Variants in FAM3C observed in about 807,000 individuals in gnomAD.
FAM3C encodes the protein FAM3 metabolism regulating signaling molecule C.
A neutral mutation model predicts 32.5 loss-of-function variants in FAM3C; 15 were observed. The ratio of observed to expected loss-of-function variants is 0.46; its 90% CI spans 0.31 to 0.71. The LOEUF is 0.71. FAM3C is among the 30% of genes least tolerant of loss of function. FAM3C has a pLI of 0.05. For synonymous variants in FAM3C, 75 were observed against 86.1 expected (o/e 0.87, Z 0.72); for missense variants, 175 against 274.4 (o/e 0.64, Z 2.56).
chr7:121,369,676 G>A (rs1361236506), intron 5 of FAM3C, among the ~76,000 whole-genome samples: 1 of 152,156 alleles, frequency 6.6e-6, no homozygotes, highest in African/African-American at 2.4e-5. Context: ...TAGATCTTTA[G>A]CTGTTCAACA....
chr7:121,376,461 C>T (rs1196894784), intron 3 of FAM3C, among the ~76,000 whole-genome samples: 1 of 152,126 alleles, frequency 6.6e-6, no homozygotes, highest in Non-Finnish European at 1.5e-5. Flanking sequence ...CAGTGCAGTA[C>T]AGGTTTAAGT....
At chr7:121,366,760 T>G (rs962674177) in intron 5 of FAM3C, among the ~76,000 whole-genome samples, 2 of 152,088 alleles carry the variant, frequency 1.3e-5, no homozygotes, top group Non-Finnish European at 2.9e-5. Flanking sequence ...ATTTAAAAGG[T>G]TCTATGCTTT....
At chr7:121,383,934 T>A (rs1794412673) in intron 1 of FAM3C, among the ~76,000 whole-genome samples, 1 of 152,184 alleles carries the variant, frequency 6.6e-6, no homozygotes, top group Non-Finnish European at 1.5e-5. Flanking sequence ...TTAGATTGTA[T>A]TTTGATATTT....
intron 3 of FAM3C, among the ~76,000 whole-genome samples, chr7:121,372,745 G>C (rs928913800): frequency 2.0e-5 from 3 of 152,148 alleles, no homozygotes; most frequent in African/African-American, 7.2e-5. Flanking sequence ...ACTAACATCT[G>C]ATCCCAGCCC....
At chr7:121,351,372 T>C in intron 8 of FAM3C, 103 bp from the exon 9 acceptor site, 1 of 1,054,510 alleles carries the variant, frequency 9.5e-7, no homozygotes, top group Admixed American at 3.1e-5. Context: ...AATGAGACTT[T>C]AAATAACAGA....
At chr7:121,388,942 T>C (rs1794521961) in intron 1 of FAM3C, among the ~76,000 whole-genome samples, 1 of 152,192 alleles carries the variant, frequency 6.6e-6, no homozygotes, top group Admixed American at 6.5e-5. Flanking sequence ...TGTTTTTCAT[T>C]TGGCGCTCCT....
intron 2 of FAM3C, among the ~76,000 whole-genome samples, chr7:121,380,588 C>T (rs530071489): frequency 7.9e-5 from 12 of 151,972 alleles, no homozygotes; most frequent in Admixed American, 2.6e-4. Flanking sequence ...CAAAAAACTA[C>T]CTATCAGGTA....
At chr7:121,394,280 C>T (rs1794640505) in intron 1 of FAM3C, among the ~76,000 whole-genome samples, 1 of 152,198 alleles carries the variant, frequency 6.6e-6, no homozygotes, top group Non-Finnish European at 1.5e-5. Flanking sequence ...ATTCCATAGC[C>T]TCTTAGCCTT....
intron 1 of FAM3C, among the ~76,000 whole-genome samples, chr7:121,385,761 A>G (rs1794452613): frequency 6.6e-6 from 1 of 152,186 alleles, no homozygotes. Flanking sequence ...TGTCATAAAA[A>G]ATTATTTACC....
At chr7:121,364,276 A>C in intron 5 of FAM3C, 88 bp from the exon 6 acceptor site, 5 of 828,126 alleles carry the variant, frequency 6.0e-6, no homozygotes, top group Non-Finnish European at 8.0e-6. Flanking sequence ...AAAAGTTAGG[A>C]ATATTATACA....
intron 8 of FAM3C, among the ~76,000 whole-genome samples, chr7:121,353,448 C>T (rs1185704000): frequency 6.6e-6 from 1 of 152,200 alleles, no homozygotes; most frequent in Non-Finnish European, 1.5e-5. Context: ...AGATCCTGTG[C>T]AGATATGCAT....
At chr7:121,364,905 T>C (rs1334055825) in intron 5 of FAM3C, among the ~76,000 whole-genome samples, 2 of 152,146 alleles carry the variant, frequency 1.3e-5, no homozygotes, top group African/African-American at 4.8e-5. Flanking sequence ...TAAACTAAAA[T>C]TGTGAGTTCT....
intron 2 of FAM3C, among the ~76,000 whole-genome samples, chr7:121,380,733 T>TTTTATATATATATATATATA (rs1554375242): frequency 1.0e-4 from 14 of 133,982 alleles, no homozygotes; most frequent in Non-Finnish European, 1.8e-4. Flanking sequence ...TACAAACATT[T>TTTTATATATATATATATATA]TATATATATA....
chr7:121,353,603 C>T (rs1793751155), intron 8 of FAM3C, among the ~76,000 whole-genome samples: 1 of 152,142 alleles, frequency 6.6e-6, no homozygotes, highest in Non-Finnish European at 1.5e-5. Context: ...AAAAACAATG[C>T]AATTTATGCT....
chr7:121,360,585 C>A (rs2908003), intron 7 of FAM3C, among the ~76,000 whole-genome samples: 10,167 of 152,178 alleles, frequency 0.067, 1,140 homozygotes, highest in African/African-American at 0.23. Context: ...GTAATCCCAG[C>A]ACCTTGGGAG....
chr7:121,380,733 T>TTATATATATATATATATATATATATATA lies in FAM3C; in HGVS notation c.14-1720_14-1719insTATATATATATATATATATATATATATA, dbSNP rs66579763. Reference sequence around the variant, plus strand: ...TTTAAAAAAGCTATATACAAACATTTTATATATATATATATATATATATGA... The same window carrying TTATATATATATATATATATATATATATA: ...TTTAAAAAAGCTATATACAAACATTTTATATATATATATATATATATATATATATATATATATATATATATATATATGA... On this transcript the variant is annotated intron_variant, in intron 2 of 9. Transcript: ENST00000359943. 1.6e-3 allele frequency among the ~76,000 whole-genome samples: 208 copies of TTATATATATATATATATATATATATATA among 133,856 alleles called. 2 individuals carry two copies. Among genetic ancestry groups the TTATATATATATATATATATATATATATA allele is most frequent in the Non-Finnish European group, 2.6e-3 (158 of 61,026 alleles). 87.8% of individuals were successfully genotyped at this position (133,856 alleles called of 152,430 possible). A position where few individuals can be genotyped will look rare whatever the true frequency, so the allele number is the denominator to read the frequency against.
At chr7:121,385,350 AAT>A (rs1281569662) in intron 1 of FAM3C, among the ~76,000 whole-genome samples, 1 of 152,168 alleles carries the variant, frequency 6.6e-6, no homozygotes, top group Non-Finnish European at 1.5e-5. Context: ...GTTTTTGATA[AAT>A]ATATGTCACT....
At chr7:121,360,251 C>T (rs1406522004) in intron 7 of FAM3C, 124 bp from the exon 8 acceptor site, 2 of 591,944 alleles carry the variant, frequency 3.4e-6, no homozygotes, top group Non-Finnish European at 6.1e-6. Flanking sequence ...GTAAAGTAAT[C>T]CAAAAGACAG....
chr7:121,363,641 TTA>T (rs1423910341), intron 6 of FAM3C, among the ~76,000 whole-genome samples: 9 of 152,144 alleles, frequency 5.9e-5, no homozygotes, highest in Non-Finnish European at 1.0e-4. Flanking sequence ...CTTTATGGTT[TTA>T]TGTTTTCAGA....
Sources: gnomAD v4.1 joint callset for allele counts (sites outside exome capture counted in the v4.1 genomes callset) on GRCh38, gnomAD v4.1.1 for gene constraint, MANE v1.5 for transcripts, NCBI Gene and HGNC (gene_info 2026-07-23, HGNC 2026-07-21) for gene names.